RMDN2: variants seen among roughly 807,000 people sequenced by gnomAD.
RMDN2 encodes regulator of microtubule dynamics protein 2.
A neutral mutation model predicts 52.8 loss-of-function variants in RMDN2; 61 were observed. The ratio of observed to expected loss-of-function variants is 1.16; its 90% CI spans 0.94 to 1.43. The LOEUF is 1.43. Ranked by LOEUF, RMDN2 falls within the 40% of genes most tolerant of loss-of-function variation. The pLI is 0.00. For synonymous variants in RMDN2, 180 were observed against 153.1 expected, an observed-to-expected ratio of 1.18 and a Z score of -1.30; for missense variants, 592 against 475.3, an observed-to-expected ratio of 1.25 and a Z score of -2.28.
At chr2:37,984,774 C>A (rs1040466339) in intron 5 of RMDN2, among the ~76,000 whole-genome samples, 1 of 151,920 alleles carries the variant, frequency 6.6e-6, no homozygotes, top group Non-Finnish European at 1.5e-5. Flanking sequence ...GTTAGAATGA[C>A]CTCTAGATGG....
chr2:37,929,465 G>C lies in RMDN2; in HGVS notation c.188G>C (p.Gly63Ala), dbSNP rs1168288352. 6.4e-7 allele frequency: 1 copy of C among 1,551,480 alleles called. No homozygotes were observed. ...TLQDEIHDDQ[G>A]TTVIFQERQL... ...CAAGATGAAATACATGATGACCAAG[G>C]AACAACAGTAATCTTTCAAGAAAGG... Residue 63 changes from glycine (G) to alanine (A), a missense_variant, in exon 2 of 11, where the codon GGA becomes GCA. Transcript: ENST00000354545.
intron 10 of RMDN2, among the ~76,000 whole-genome samples, chr2:38,053,021 G>T (rs1294642222): frequency 2.0e-5 from 3 of 152,144 alleles, no homozygotes; most frequent in Non-Finnish European, 2.9e-5. Flanking sequence ...TCAAGGCTCT[G>T]TTATAGTTCA....
rs564022650 is a variant in RMDN2, at chr2:38,064,574, A to G, written c.1714-2408A>G. Reference sequence around the variant, plus strand: ...TCATGGAGAAGGTGAAGAGATCATCAGTGCTGAGAAGCAGGTGCGACAAAA... The same window carrying G: ...TCATGGAGAAGGTGAAGAGATCATCGGTGCTGAGAAGCAGGTGCGACAAAA... On this transcript the variant is annotated intron_variant, in intron 10 of 10. Coordinates refer to the RMDN2 transcript ENST00000234195. Among the ~76,000 whole-genome samples, 29 of 152,134 alleles carry G rather than the reference A, an allele frequency of 1.9e-4. 1 individual carries two copies. The highest frequency in any genetic ancestry group is 3.2e-3 in the Middle Eastern group (1 of 316).
intron 5 of RMDN2, among the ~76,000 whole-genome samples, chr2:37,987,529 G>A (rs920991418): frequency 6.6e-6 from 1 of 152,118 alleles, no homozygotes; most frequent in Non-Finnish European, 1.5e-5. Context: ...GTTGCCAGGG[G>A]TTGCGGGGAG....
chr2:37,946,913 T>C (rs764069997), intron 2 of RMDN2, among the ~76,000 whole-genome samples: 12 of 152,192 alleles, frequency 7.9e-5, no homozygotes, highest in Non-Finnish European at 1.0e-4. Flanking sequence ...TATATACTTA[T>C]AGTTTTCATT....
chr2:38,049,060 A>G (rs985021780), intron 10 of RMDN2, among the ~76,000 whole-genome samples: 2 of 152,148 alleles, frequency 1.3e-5, no homozygotes, highest in African/African-American at 2.4e-5. Flanking sequence ...CATTCTGTTT[A>G]TTTTCTAGTC....
At chr2:37,985,973 A>G (rs1158619123) in intron 5 of RMDN2, among the ~76,000 whole-genome samples, 3 of 152,180 alleles carry the variant, frequency 2.0e-5, no homozygotes, top group African/African-American at 7.2e-5. Context: ...GTAGTAATGT[A>G]AGATGTTAAC....
At chr2:37,954,054 T>C (rs1242032403) in intron 2 of RMDN2, among the ~76,000 whole-genome samples, 2 of 152,018 alleles carry the variant, frequency 1.3e-5, no homozygotes, top group Non-Finnish European at 2.9e-5. Flanking sequence ...GGTTGTTTGT[T>C]TTTTTGTTGA....
At chr2:38,029,592 C>T (rs1489325355) in intron 10 of RMDN2, 1 of 149,928 alleles carries the variant, frequency 6.7e-6, no homozygotes, top group East Asian at 2.0e-4. Flanking sequence ...AAAAACATTT[C>T]ACGTGTTCCT....
At chr2:37,979,720 G>T (rs1232372889) in intron 4 of RMDN2, among the ~76,000 whole-genome samples, 1 of 152,156 alleles carries the variant, frequency 6.6e-6, no homozygotes, top group Non-Finnish European at 1.5e-5. Context: ...GACTGCATAA[G>T]TGAGGCTATG....
At position 38,017,514 on chromosome 2, in the gene RMDN2, TTTAAA is replaced by T; in HGVS notation, c.*277_*281del. 1 of 1,109,130 alleles carries T rather than the reference TTTAAA, an allele frequency of 9.0e-7. No individual in the cohort carries two copies. Among genetic ancestry groups the T allele is most frequent in the Non-Finnish European group, 1.2e-6 (1 of 836,414 alleles). 68.7% of individuals were successfully genotyped at this position (1,109,130 alleles called of 1,614,324 possible). A position where few individuals can be genotyped will look rare whatever the true frequency, so the allele number is the denominator to read the frequency against. On this transcript the variant is annotated 3_prime_UTR_variant, in exon 11 of 11. Transcript: ENST00000354545. ...TAAACTGCAGCCTTAAGAATATTTC[TTTAAA>T]TAAAATATTTAAATCCAATAAAATG...
intron 2 of RMDN2, chr2:37,951,880 T>C (rs1438663830): frequency 1.9e-6 from 3 of 1,613,304 alleles, no homozygotes; most frequent in African/African-American, 2.7e-5. Flanking sequence ...GCAAGTGATA[T>C]TTCCTCTCCC....
intron 2 of RMDN2, among the ~76,000 whole-genome samples, chr2:37,966,161 C>T (rs2121256): frequency 0.34 from 52,168 of 152,048 alleles, 11,238 homozygotes; most frequent in South Asian, 0.52. Flanking sequence ...GTGGCTCACG[C>T]CTGTAATCCC....
chr2:37,990,477 C>T (rs1051340721), intron 6 of RMDN2, among the ~76,000 whole-genome samples: 2 of 137,734 alleles, frequency 1.5e-5, no homozygotes, highest in African/African-American at 2.7e-5. Context: ...CATGATCATG[C>T]CACTGCACTC....
chr2:38,056,689 G>A (rs992293329), intron 10 of RMDN2, among the ~76,000 whole-genome samples: 2 of 152,126 alleles, frequency 1.3e-5, no homozygotes, highest in Non-Finnish European at 2.9e-5. Context: ...GTTTGATTAG[G>A]TGCATTCTTA....
At position 37,927,930 on chromosome 2, in the gene RMDN2, G is replaced by GTTAGAC. The variant is rs369522588; in HGVS notation, c.-16-1329_-16-1328insGACTTA. 6.6e-3 allele frequency among the ~76,000 whole-genome samples: 1,011 copies of GTTAGAC among 152,266 alleles called. 12 individuals carry two copies. The highest frequency in any genetic ancestry group is 0.023 in the African/African-American group (944 of 41,538). On this transcript the variant is annotated intron_variant, in intron 1 of 10. Coordinates refer to ENST00000354545, the MANE Select transcript of RMDN2 (RefSeq NM_001170791.3). ...TGGATGAGCTGGGAGTGGGCAGATG[G>GTTAGAC]TTATAGTTCCCAGTTATACCAATTA...
chr2:38,027,851 G>T (rs771485794), intron 10 of RMDN2, among the ~76,000 whole-genome samples: 2 of 152,142 alleles, frequency 1.3e-5, no homozygotes, highest in African/African-American at 4.8e-5. Flanking sequence ...CAAAACTGTG[G>T]CATTAATAGC....
Position 37,947,057 on chromosome 2 carries a change from T to C in RMDN2, c.452+17328T>C, listed in dbSNP as rs1668278997. On this transcript the variant is annotated intron_variant, in intron 2 of 10. Coordinates refer to ENST00000354545, the MANE Select transcript of RMDN2 (RefSeq NM_001170791.3). ...ATTTTATTTTTTGAAATTATTTTTT[T>C]AATTTTGATTTTTGTAGATTTAGAG... Among the ~76,000 whole-genome samples, 4 of 152,312 alleles carry C rather than the reference T, an allele frequency of 2.6e-5. No individual in the cohort carries two copies. The South Asian group carries it at 8.3e-4, about 32-fold the overall frequency.
chr2:37,996,083 A>G (rs1175912589), intron 7 of RMDN2, among the ~76,000 whole-genome samples: 1 of 152,216 alleles, frequency 6.6e-6, no homozygotes, highest in Non-Finnish European at 1.5e-5. Context: ...CACTGTTGAA[A>G]TGATGAAATA....
Sources: allele counts gnomAD v4.1 joint callset (sites outside exome capture counted in the v4.1 genomes callset), GRCh38; gene constraint gnomAD v4.1.1; transcripts MANE v1.5; gene names NCBI Gene and HGNC (gene_info 2026-07-23, HGNC 2026-07-21).